BARD1: variants seen among roughly 807,000 people sequenced by gnomAD.
The protein encoded by BARD1 is BRCA1 associated RING domain 1.
In BARD1, 73 loss-of-function variants were observed where a neutral mutation model predicts 77.0. The ratio of observed to expected loss-of-function variants is 0.95; its 90% confidence interval spans 0.79 to 1.15. The LOEUF (loss-of-function observed/expected upper bound fraction) is 1.15. Among genes scored for constraint, BARD1 ranks in the 50% most tolerant of loss-of-function variants. The probability of loss-of-function intolerance (pLI) is 0.00; values close to 1 mark genes in which losing one functional copy is unlikely to be tolerated. For missense variants in BARD1, 993 were observed against 938.8 expected (o/e 1.06, Z -0.75); for synonymous variants, 384 against 338.0 (o/e 1.14, Z -1.49).
chr2:214,759,851 G>C (rs187596534), intron 6 of BARD1, among the ~76,000 whole-genome samples: 2 of 152,280 alleles, frequency 1.3e-5, no homozygotes, highest in Non-Finnish European at 2.9e-5. Flanking sequence ...GGCAAATAAA[G>C]AGTATCATTG....
intron 4 of BARD1, among the ~76,000 whole-genome samples, chr2:214,777,229 G>A (rs1468322880): frequency 6.6e-6 from 1 of 152,184 alleles, no homozygotes; most frequent in Non-Finnish European, 1.5e-5. Context: ...TAATGCAAGT[G>A]GTAGGGGCAA....
At chr2:214,779,102 C>G (rs762202880) in intron 4 of BARD1, among the ~76,000 whole-genome samples, 1 of 151,978 alleles carries the variant, frequency 6.6e-6, no homozygotes, top group Non-Finnish European at 1.5e-5. Flanking sequence ...CAAACTAAAA[C>G]ACAACCAGAG....
intron 1 of BARD1, among the ~76,000 whole-genome samples, chr2:214,806,855 C>G (rs1246975088): frequency 8.9e-6 from 1 of 112,670 alleles, no homozygotes; most frequent in African/African-American, 3.5e-5. Context: ...GCTTGGGTGA[C>G]AGAGTGAAAC....
chr2:214,805,701 A>T (rs986061725), intron 1 of BARD1, among the ~76,000 whole-genome samples: 6 of 152,064 alleles, frequency 3.9e-5, no homozygotes, highest in African/African-American at 9.7e-5. Flanking sequence ...TAACATCTAC[A>T]CTATGCTGCC....
rs1290676725 is a variant in BARD1 at position 214,792,557 on chromosome 2, A to G, written c.216-112T>C. ...GGAGCAGAGGTTATTCTAACATACA[A>G]TGGTCAATTGTAATATCCTTGTTGA... On this transcript the variant is annotated intron_variant, in intron 2 of 10. Transcript: ENST00000260947. The G allele has an allele frequency of 7.7e-6, 8 of 1,041,124 alleles. No individual in the cohort carries two copies. The Admixed American group carries it at 8.5e-5, about 11-fold the overall frequency. The allele number at this position is 1,041,124 out of a possible 1,614,324, so 64.5% of individuals were successfully genotyped here. A position where few individuals can be genotyped will look rare whatever the true frequency, so the allele number is the denominator to read the frequency against.
chr2:214,736,618 T>TA (rs1285466857), intron 9 of BARD1, among the ~76,000 whole-genome samples: 1 of 152,130 alleles, frequency 6.6e-6, no homozygotes, highest in Non-Finnish European at 1.5e-5. Flanking sequence ...AGAAACACAT[T>TA]AAAATGGCAT....
intron 4 of BARD1, among the ~76,000 whole-genome samples, chr2:214,772,724 A>T (rs1261949033): frequency 1.3e-5 from 2 of 152,166 alleles, no homozygotes; most frequent in Admixed American, 6.6e-5. Context: ...CCTCTCTAGT[A>T]CTTGAAAGTT....
At chr2:214,803,666 C>G (rs1194080142) in intron 1 of BARD1, among the ~76,000 whole-genome samples, 1 of 152,172 alleles carries the variant, frequency 6.6e-6, no homozygotes, top group Admixed American at 6.5e-5. Context: ...GAGAAACACC[C>G]ATGAATGATC....
rs1559454402 is a variant in BARD1, at chr2:214,809,472, G to A, written c.98C>T (p.Ala33Val). 1 of 1,610,374 alleles carries A rather than the reference G, an allele frequency of 6.2e-7. No individual in the cohort carries two copies. The highest frequency in any genetic ancestry group is 2.2e-5 in the East Asian group (1 of 44,810). The change falls in exon 1 of 11, where the codon GCC becomes GTC. Residue 33 changes from alanine (A) to valine (V), a missense_variant. Physicochemically the swap from Ala to Val is moderately conservative, Grantham distance 64. Transcript: ENST00000260947. ...GAGCGCGGCGCGACTGTGGGCCCAG[G>A]CACCGCGACCATCCGGTTCCATGGC... ...APAMEPDGRG[A>V]WAHSRAALDR...
intron 8 of BARD1, among the ~76,000 whole-genome samples, 168 bp from the exon 9 acceptor site, chr2:214,745,327 A>C (rs889848772): frequency 1.3e-5 from 2 of 152,200 alleles, no homozygotes; most frequent in Admixed American, 6.5e-5. Flanking sequence ...CTAGTTCTCT[A>C]ACCTGGCCAT....
intron 1 of BARD1, among the ~76,000 whole-genome samples, chr2:214,800,497 C>T (rs1461539446): frequency 1.3e-5 from 2 of 152,280 alleles, no homozygotes; most frequent in East Asian, 1.9e-4. Flanking sequence ...ATGATCGTGC[C>T]TGTGAATAGC....
At chr2:214,792,207 T>G in intron 3 of BARD1, 90 bp downstream of exon 3, 1 of 1,133,424 alleles carries the variant, frequency 8.8e-7, no homozygotes, top group Non-Finnish European at 1.3e-6. Context: ...ATTCCAGAAC[T>G]CCAGATAGAT....
intron 7 of BARD1, among the ~76,000 whole-genome samples, chr2:214,751,139 A>G (rs1559393077): frequency 2.6e-4 from 5 of 19,106 alleles, no homozygotes; most frequent in Admixed American, 8.7e-4. Context: ...ATATATATAT[A>G]TATATATATA....
At chr2:214,750,376 T>C (rs1443743974) in intron 7 of BARD1, among the ~76,000 whole-genome samples, 2 of 152,174 alleles carry the variant, frequency 1.3e-5, no homozygotes, top group African/African-American at 4.8e-5. Context: ...TTAAGGCTTT[T>C]CACAATCTGG....
At chr2:214,778,288 G>T (rs575364378) in intron 4 of BARD1, among the ~76,000 whole-genome samples, 8 of 145,404 alleles carry the variant, frequency 5.5e-5, no homozygotes, top group Admixed American at 1.5e-4. Context: ...TTAAAATAAA[G>T]CTAAGGCGAG....
rs941782570 is a variant in BARD1 at position 214,805,778 on chromosome 2, A to T, written c.158+3634T>A. Among the ~76,000 whole-genome samples the T allele has an allele frequency of 8.5e-5, 13 of 152,234 alleles. No homozygotes were observed. In the South Asian group the frequency reaches 2.7e-3, roughly 32 times the overall value. On this transcript the variant is annotated intron_variant, in intron 1 of 10. Transcript: ENST00000260947. ...TAAACAAGAACTCAGAAAAAAAAAA[A>T]TACCTATCATAAAGGTTAAAAGATT...
intron 6 of BARD1, among the ~76,000 whole-genome samples, chr2:214,756,094 C>T (rs949735306): frequency 3.9e-5 from 6 of 152,096 alleles, no homozygotes; most frequent in Non-Finnish European, 7.4e-5. Context: ...TTTGTGTCCC[C>T]GCCCAAATCT....
chr2:214,787,872 G>A (rs988114254), intron 3 of BARD1, among the ~76,000 whole-genome samples: 1 of 151,816 alleles, frequency 6.6e-6, no homozygotes, highest in South Asian at 2.1e-4. Context: ...CTCTATTATA[G>A]GTTTCACAAC....
At chr2:214,801,576 G>A (rs1696021178) in intron 1 of BARD1, among the ~76,000 whole-genome samples, 1 of 152,068 alleles carries the variant, frequency 6.6e-6, no homozygotes, top group Admixed American at 6.5e-5. Context: ...CTCTGCTGTG[G>A]TCAGGCCAGT....
Sources: gnomAD v4.1 joint callset for allele counts (sites outside exome capture counted in the v4.1 genomes callset) on GRCh38, gnomAD v4.1.1 for gene constraint, MANE v1.5 for transcripts, NCBI Gene and HGNC (gene_info 2026-07-23, HGNC 2026-07-21) for gene names.